The following SYK variants were observed in gnomAD, a reference collection of about 807,000 sequenced individuals.
The protein encoded by SYK is spleen associated tyrosine kinase, also known as tyrosine-protein kinase SYK.
In SYK, 16 loss-of-function variants were observed where a neutral mutation model predicts 77.8. That is an observed-to-expected ratio of 0.21 (90% CI 0.14 to 0.31). The LOEUF is 0.31. SYK is among the 10% of genes least tolerant of loss of function. The pLI, the probability that SYK is intolerant of heterozygous loss-of-function variation, is 1.00. For missense variants in SYK, 529 were observed against 814.4 expected, an observed-to-expected ratio of 0.65 and a Z score of 4.26; for synonymous variants, 312 against 308.7, an observed-to-expected ratio of 1.01 and a Z score of -0.11.
rs1564115200 is a variant in SYK at position 90,877,759 on chromosome 9, A to G, written c.1370A>G (p.Asn457Ser). The G allele has an allele frequency of 6.2e-7, 1 of 1,614,182 alleles. No homozygotes were observed. The highest frequency in any genetic ancestry group is 8.5e-7 in the Non-Finnish European group (1 of 1,180,016). The change falls in exon 10 of 14, where the codon AAT becomes AGT. Residue 457 changes from asparagine to serine, a missense_variant. By Grantham distance (46) the Asn-to-Ser change is conservative. This residue lies in a region of SYK where 208 missense variants were observed against 381.3 expected (regional missense o/e 0.55). Coordinates refer to ENST00000375754, the MANE Select transcript of SYK (RefSeq NM_003177.7). ...VMEMAELGPLNKYLQQNRHVK... is the reference protein window; with the variant it reads ...VMEMAELGPLSKYLQQNRHVK... Reference sequence around the variant, plus strand: ...GAGATGGCAGAACTTGGTCCCCTCAATAAGTATTTGCAGCAGAACAGGTAT... The same window carrying G: ...GAGATGGCAGAACTTGGTCCCCTCAGTAAGTATTTGCAGCAGAACAGGTAT...
At chr9:90,838,591 A>G (rs140006444) in intron 1 of SYK, among the ~76,000 whole-genome samples, 91 of 152,340 alleles carry the variant, frequency 6.0e-4, no homozygotes, top group African/African-American at 1.9e-3. Context: ...CTACCTGCCC[A>G]GGTGTTCACT....
At chr9:90,858,460 G>C (rs951922319) in intron 3 of SYK, among the ~76,000 whole-genome samples, 1 of 152,222 alleles carries the variant, frequency 6.6e-6, no homozygotes, top group Non-Finnish European at 1.5e-5. Flanking sequence ...AGGCTTCTGT[G>C]AACAGCCTGA....
At chr9:90,883,243 C>T (rs575403522) in intron 11 of SYK, among the ~76,000 whole-genome samples, 1 of 151,970 alleles carries the variant, frequency 6.6e-6, no homozygotes. Context: ...CAAATCACAC[C>T]CCCTATAGCT....
intron 1 of SYK, among the ~76,000 whole-genome samples, chr9:90,841,908 G>T (rs28972166): frequency 0.32 from 46,846 of 145,518 alleles, 7,382 homozygotes; most frequent in South Asian, 0.39. Context: ...GTGTGATGTG[G>T]GTAGTGTCCG....
At chr9:90,868,798 C>G (rs757828697) in intron 7 of SYK, among the ~76,000 whole-genome samples, 10 of 152,136 alleles carry the variant, frequency 6.6e-5, no homozygotes, top group Non-Finnish European at 1.3e-4. Context: ...AATTTTATTT[C>G]TAAGTATGTA....
rs553523086 is a variant in SYK at position 90,871,543 on chromosome 9, G to C, written c.916-2661G>C. Among the ~76,000 whole-genome samples, 10 of 152,218 alleles carry C rather than the reference G, an allele frequency of 6.6e-5. No homozygotes were observed. The South Asian group carries it at 2.1e-3, about 32-fold the overall frequency. On this transcript the variant is annotated intron_variant, in intron 7 of 13. Transcript: ENST00000375754. ...CTTTTTAACTGAGCATTTTCTTTTA[G>C]AGATTGTTTTGGTTATTGTTCTACT...
intron 8 of SYK, 100 bp from the exon 9 acceptor site, chr9:90,874,572 C>T: frequency 7.3e-7 from 1 of 1,374,364 alleles, no homozygotes; most frequent in Non-Finnish European, 1.0e-6. Flanking sequence ...AACATTGATG[C>T]TACTCTGAGT....
chr9:90,862,142 C>T, intron 3 of SYK, 64 bp from the exon 4 acceptor site: 1 of 1,525,316 alleles, frequency 6.6e-7, no homozygotes, highest in Non-Finnish European at 8.8e-7. Flanking sequence ...AGGGTGCTTC[C>T]TCCCAGGGTC....
intron 1 of SYK, among the ~76,000 whole-genome samples, chr9:90,825,188 G>C (rs903260690): frequency 6.6e-6 from 1 of 150,874 alleles, no homozygotes; most frequent in South Asian, 2.1e-4. Context: ...TCTGTATGCA[G>C]AAAACTACAA....
intron 11 of SYK, among the ~76,000 whole-genome samples, chr9:90,886,886 A>G (rs1451026320): frequency 6.6e-6 from 1 of 152,164 alleles, no homozygotes; most frequent in East Asian, 1.9e-4. Flanking sequence ...CTAACTGTCC[A>G]TGGATGGATG....
chr9:90,834,694 T>A (rs1339736122), intron 1 of SYK, among the ~76,000 whole-genome samples: 2 of 152,256 alleles, frequency 1.3e-5, no homozygotes, highest in Non-Finnish European at 2.9e-5. Flanking sequence ...AGGATAGCTA[T>A]GAATGTGGCC....
intron 1 of SYK, among the ~76,000 whole-genome samples, chr9:90,833,914 G>A (rs1825980312): frequency 6.6e-6 from 1 of 152,202 alleles, no homozygotes; most frequent in Non-Finnish European, 1.5e-5. Context: ...GATGCTAGTG[G>A]GATATGATGG....
chr9:90,847,348 C>T (rs889658452), intron 3 of SYK, among the ~76,000 whole-genome samples: 1 of 152,218 alleles, frequency 6.6e-6, no homozygotes. Context: ...GGGGCCTGGG[C>T]TTCTGTGTTT....
At chr9:90,804,257 G>T (rs1824729880) in intron 1 of SYK, among the ~76,000 whole-genome samples, 1 of 152,202 alleles carries the variant, frequency 6.6e-6, no homozygotes. Flanking sequence ...TCAAGTAAGA[G>T]TGGATGTCTC....
intron 1 of SYK, among the ~76,000 whole-genome samples, chr9:90,834,929 A>G (rs913802591): frequency 6.6e-5 from 10 of 152,244 alleles, no homozygotes; most frequent in African/African-American, 2.4e-4. Context: ...AGTGGTTTCC[A>G]GTCAGGGGTA....
intron 1 of SYK, among the ~76,000 whole-genome samples, chr9:90,813,116 C>T (rs290235): frequency 0.78 from 118,318 of 152,030 alleles, 46,475 homozygotes; most frequent in East Asian, 0.99. Flanking sequence ...AGACCATTTG[C>T]CATCTGCATG....
intron 11 of SYK, among the ~76,000 whole-genome samples, chr9:90,884,583 A>G (rs569329201): frequency 3.4e-5 from 3 of 87,986 alleles, no homozygotes; most frequent in Non-Finnish European, 6.8e-5. Context: ...ATACATACAC[A>G]TACACATATG....
At chr9:90,865,335 T>C (rs1827442691) in intron 6 of SYK, among the ~76,000 whole-genome samples, 1 of 151,828 alleles carries the variant, frequency 6.6e-6, no homozygotes, top group Non-Finnish European at 1.5e-5. Context: ...AGATGGAGTG[T>C]CTCACTCTGT....
chr9:90,804,531 T>G (rs1286274121), intron 1 of SYK, among the ~76,000 whole-genome samples: 1 of 152,224 alleles, frequency 6.6e-6, no homozygotes, highest in Non-Finnish European at 1.5e-5. Context: ...TACTCTTGCT[T>G]TGCTGGTTTT....
Sources: gnomAD v4.1 joint callset for allele counts (sites outside exome capture counted in the v4.1 genomes callset) on GRCh38, gnomAD v4.1.1 for gene constraint, gnomAD v4.1.1 regional missense constraint, MANE v1.5 for transcripts, NCBI Gene and HGNC (gene_info 2026-07-23, HGNC 2026-07-21) for gene names.